Variants in SHC3 observed in about 807,000 individuals in gnomAD.
SHC3 encodes SHC adaptor protein 3.
SHC3 carries 15 observed loss-of-function variants against 60.4 expected under a neutral mutation model. That is an observed-to-expected ratio of 0.25 (90% CI 0.17 to 0.38). The LOEUF (loss-of-function observed/expected upper bound fraction) is 0.38, where lower values mean the gene tolerates loss of function less well. Among genes scored for constraint, SHC3 ranks in the 10% least tolerant of loss-of-function variants. The pLI, the probability that SHC3 is intolerant of heterozygous loss-of-function variation, is 1.00. For synonymous variants in SHC3, 294 were observed against 325.9 expected (o/e 0.90, Z 1.05); for missense variants, 677 against 786.1 (o/e 0.86, Z 1.66).
At chr9:89,105,176 C>A (rs188936525) in intron 2 of SHC3, among the ~76,000 whole-genome samples, 2 of 152,096 alleles carry the variant, frequency 1.3e-5, no homozygotes, top group African/African-American at 4.8e-5. Flanking sequence ...TAATGATGCC[C>A]CTCTGTACTT....
intron 1 of SHC3, among the ~76,000 whole-genome samples, chr9:89,171,014 T>C (rs1467055073): frequency 6.6e-6 from 1 of 152,200 alleles, no homozygotes; most frequent in African/African-American, 2.4e-5. Context: ...ACTTACATTT[T>C]GTCCATCTTC....
At chr9:89,177,878 G>A in intron 1 of SHC3, 109 bp downstream of exon 1, 1 of 1,129,066 alleles carries the variant, frequency 8.9e-7, no homozygotes, top group Non-Finnish European at 1.1e-6. Context: ...TGCCTCTAAC[G>A]TGACAGTCGC....
chr9:89,145,761 A>G (rs1826459577), intron 1 of SHC3, among the ~76,000 whole-genome samples: 1 of 152,220 alleles, frequency 6.6e-6, no homozygotes, highest in South Asian at 2.1e-4. Context: ...TGATAAAGAG[A>G]ACATTCTAAA....
At position 89,009,829 on chromosome 9, in the gene SHC3, C is replaced by T. The variant is rs1825992718; in HGVS notation, c.*3618G>A. The T allele has an allele frequency of 6.6e-6, 1 of 152,236 alleles. No homozygotes were observed. The highest frequency in any genetic ancestry group is 6.5e-5 in the Admixed American group (1 of 15,286). The allele number at this position is 152,236 out of a possible 1,614,324, so 9.4% of individuals were successfully genotyped here. A position where few individuals can be genotyped will look rare whatever the true frequency, so the allele number is the denominator to read the frequency against. On this transcript the variant is annotated 3_prime_UTR_variant, in exon 12 of 12. Coordinates refer to ENST00000375835, the MANE Select transcript of SHC3 (RefSeq NM_016848.6). ...GAGGACCCAGACGTCCATCTTCAAG[C>T]ATTGCTTATAGAAAGAAGCTACCCA... is the stretch of plus-strand genomic sequence containing the variant.
intron 4 of SHC3, 28 bp from the exon 5 acceptor site, chr9:89,071,280 T>C (rs1240630799): frequency 1.9e-6 from 3 of 1,613,438 alleles, no homozygotes; most frequent in East Asian, 4.5e-5. Context: ...AGAAACGAGA[T>C]GTGCTGTTAT....
chr9:89,150,328 C>CA (rs201317630), intron 1 of SHC3, among the ~76,000 whole-genome samples: 42 of 150,114 alleles, frequency 2.8e-4, no homozygotes, highest in African/African-American at 9.8e-4. Flanking sequence ...TTCATAATCC[C>CA]AAAAAAAAAC....
chr9:89,078,578 G>A (rs190010196), intron 2 of SHC3, among the ~76,000 whole-genome samples: 3 of 151,804 alleles, frequency 2.0e-5, no homozygotes, highest in Non-Finnish European at 4.4e-5. Flanking sequence ...CTGAGTGGCC[G>A]GGGGCAAGAG....
intron 2 of SHC3, among the ~76,000 whole-genome samples, chr9:89,108,173 C>T (rs1825891866): frequency 6.6e-6 from 1 of 152,120 alleles, no homozygotes; most frequent in South Asian, 2.1e-4. Flanking sequence ...TAAGTGCACT[C>T]TACGATGTTC....
At chr9:89,046,047 C>T (rs1443871718) in intron 8 of SHC3, among the ~76,000 whole-genome samples, 2 of 150,946 alleles carry the variant, frequency 1.3e-5, no homozygotes, top group Non-Finnish European at 3.0e-5. Flanking sequence ...ATCAAAACTA[C>T]ACATGCCCCC....
chr9:89,153,091 T>C (rs1004705335), intron 1 of SHC3, among the ~76,000 whole-genome samples: 5 of 152,208 alleles, frequency 3.3e-5, no homozygotes, highest in African/African-American at 1.2e-4. Context: ...CTCGTTGAGC[T>C]GATTATTTAA....
At chr9:89,160,429 T>C (rs969194895) in intron 1 of SHC3, among the ~76,000 whole-genome samples, 4 of 152,154 alleles carry the variant, frequency 2.6e-5, no homozygotes, top group Admixed American at 2.0e-4. Context: ...AGATTTTTTT[T>C]CCCCGTTCAA....
intron 11 of SHC3, chr9:89,037,306 G>T: frequency 3.5e-6 from 2 of 573,718 alleles, no homozygotes; most frequent in Admixed American, 3.4e-5. Flanking sequence ...ACCCTGCTTT[G>T]TTGTTTTCAC....
chr9:89,093,521 G>C (rs531734911), intron 2 of SHC3, among the ~76,000 whole-genome samples: 2,687 of 149,398 alleles, frequency 0.018, 38 homozygotes, highest in Middle Eastern at 0.065. Flanking sequence ...TATGCAAAAA[G>C]CTCCCACAAA....
intron 1 of SHC3, among the ~76,000 whole-genome samples, chr9:89,157,647 T>C (rs1441164612): frequency 6.6e-6 from 1 of 152,146 alleles, no homozygotes. Flanking sequence ...TCAGGATCTC[T>C]CTCTGTTGCC....
chr9:89,063,379 C>A (rs1031948621), intron 6 of SHC3, among the ~76,000 whole-genome samples: 5 of 152,224 alleles, frequency 3.3e-5, no homozygotes, highest in Admixed American at 2.6e-4. Context: ...CTGCCCGCCT[C>A]GGCCTCCCAA....
intron 1 of SHC3, among the ~76,000 whole-genome samples, chr9:89,120,929 G>A (rs1190441847): frequency 6.6e-6 from 1 of 151,168 alleles, no homozygotes; most frequent in Non-Finnish European, 1.5e-5. Flanking sequence ...TTATTTAAAA[G>A]AAATTTATTT....
At chr9:89,026,822 C>G (rs1340240621) in intron 11 of SHC3, among the ~76,000 whole-genome samples, 2 of 152,184 alleles carry the variant, frequency 1.3e-5, no homozygotes, top group African/African-American at 2.4e-5. Context: ...CACACCTGGG[C>G]CCTTGGACAA....
intron 11 of SHC3, among the ~76,000 whole-genome samples, chr9:89,027,518 A>G (rs1587681858): frequency 1.3e-5 from 2 of 152,034 alleles, no homozygotes; most frequent in South Asian, 2.1e-4. Flanking sequence ...GGGTTTCACC[A>G]TGTTAGCCAG....
intron 1 of SHC3, among the ~76,000 whole-genome samples, chr9:89,120,079 C>A (rs1369553398): frequency 6.6e-6 from 1 of 152,096 alleles, no homozygotes; most frequent in African/African-American, 2.4e-5. Flanking sequence ...GGATATTCCC[C>A]CCAGCATGTC....
Sources: gnomAD v4.1 joint callset for allele counts (sites outside exome capture counted in the v4.1 genomes callset) on GRCh38, gnomAD v4.1.1 for gene constraint, MANE v1.5 for transcripts, NCBI Gene and HGNC (gene_info 2026-07-23, HGNC 2026-07-21) for gene names.